Variants in CTCFL observed in about 807,000 individuals in gnomAD.
CTCFL encodes transcriptional repressor CTCFL.
CTCFL carries 36 observed loss-of-function variants against 67.4 expected under a neutral mutation model. That is an observed-to-expected ratio of 0.53 (90% CI 0.41 to 0.71). The LOEUF (loss-of-function observed/expected upper bound fraction) is 0.71, where lower values mean the gene tolerates loss of function less well. Ranked by LOEUF, CTCFL falls within the 30% of genes least tolerant of loss-of-function variation. The pLI, the probability that CTCFL is intolerant of heterozygous loss-of-function variation, is 0.00. For missense variants in CTCFL, 786 were observed against 835.2 expected, an observed-to-expected ratio of 0.94 and a Z score of 0.73; for synonymous variants, 324 against 302.3, an observed-to-expected ratio of 1.07 and a Z score of -0.75.
rs772867909 is a variant in CTCFL at position 57,503,610 on chromosome 20, G to C, written c.1675-9C>G. Reference sequence around the variant, plus strand: ...TGTCTGTGCAGGTTAATCTGTCGGAGAATTGACACAGAACACACAAGGCGA... The same window carrying C: ...TGTCTGTGCAGGTTAATCTGTCGGACAATTGACACAGAACACACAAGGCGA... On this transcript the variant is annotated splice_polypyrimidine_tract_variant and intron_variant, in intron 9 of 10. Transcript: ENST00000243914. 1 of 1,613,846 alleles carries C rather than the reference G, an allele frequency of 6.2e-7. No homozygotes were observed. Among genetic ancestry groups the C allele is most frequent in the African/African-American group, 1.3e-5 (1 of 74,886 alleles).
intron 5 of CTCFL, among the ~76,000 whole-genome samples, chr20:57,517,004 C>A (rs2068971105): frequency 2.0e-5 from 3 of 152,112 alleles, no homozygotes; most frequent in Admixed American, 2.0e-4. Context: ...ATCTGCCTCC[C>A]CAGTAAGTGA....
chr20:57,516,832 G>A (rs1600669990), intron 5 of CTCFL, among the ~76,000 whole-genome samples: 1 of 152,336 alleles, frequency 6.6e-6, no homozygotes, highest in East Asian at 1.9e-4. Context: ...AGCATTCACT[G>A]CCTGACTCGT....
At chr20:57,525,148 G>A (rs1366075877), upstream of CTCFL, 1 of 151,516 alleles carries the variant, frequency 6.6e-6, no homozygotes, top group African/African-American at 2.4e-5. Context: ...AGTGGAGGGT[G>A]GCAGTGCGCA....
downstream of CTCFL, among the ~76,000 whole-genome samples, chr20:57,496,641 C>T (rs1411155414): frequency 2.0e-5 from 3 of 152,146 alleles, no homozygotes; most frequent in African/African-American, 7.2e-5. Context: ...ATCACTTTAC[C>T]GTCTGTCTCT....
chr20:57,496,636 T>C (rs1168668804), downstream of CTCFL, among the ~76,000 whole-genome samples: 1 of 152,154 alleles, frequency 6.6e-6, no homozygotes, highest in South Asian at 2.1e-4. Flanking sequence ...CAAACATCAC[T>C]TTACCGTCTG....
chr20:57,511,594 C>A (rs1377112804), intron 8 of CTCFL, among the ~76,000 whole-genome samples: 2 of 151,252 alleles, frequency 1.3e-5, no homozygotes, highest in East Asian at 1.9e-4. Context: ...CTAATCCCCC[C>A]CCTTTTTTTT....
chr20:57,497,808 G>C lies in CTCFL; in HGVS notation c.*742C>G, dbSNP rs1232435454. On this transcript the variant is annotated 3_prime_UTR_variant, in exon 11 of 11. Transcript: ENST00000243914. Reference sequence around the variant, plus strand: ...AATAAGCAATAATGGAATGTAACCAGGGCAATTTCATACCTGCCAAGGAGC... The same window carrying C: ...AATAAGCAATAATGGAATGTAACCACGGCAATTTCATACCTGCCAAGGAGC... The C allele has an allele frequency of 1.0e-6, 1 of 985,098 alleles. No individual in the cohort carries two copies. Among genetic ancestry groups the C allele is most frequent in the Non-Finnish European group, 1.2e-6 (1 of 829,816 alleles). 61.0% of individuals were successfully genotyped at this position (985,098 alleles called of 1,614,324 possible).
At position 57,524,589 on chromosome 20, in the gene CTCFL, G is replaced by A. The variant is rs6128063; in HGVS notation, c.-11-373C>T. On this transcript the variant is annotated intron_variant, in intron 1 of 10. Transcript: ENST00000243914. ...CCGGTTCAGTCAGTGAACATCCTGG[G>A]CCTAGTAAGGTTTGGGCCCAGCAGG... The A allele has an allele frequency of 3.3e-4, 344 of 1,031,126 alleles. 5 individuals carry two copies. The East Asian group carries it at 0.02, about 59-fold the overall frequency. 63.9% of individuals were successfully genotyped at this position (1,031,126 alleles called of 1,614,324 possible).
intron 4 of CTCFL, 25 bp downstream of exon 4, chr20:57,519,182 G>A: frequency 2.5e-6 from 4 of 1,610,116 alleles, no homozygotes; most frequent in Non-Finnish European, 3.4e-6. Flanking sequence ...TCATTCCAGA[G>A]AAACAGCCTT....
chr20:57,500,091 T>TTTTTTC (rs2067842059), intron 10 of CTCFL: 1 of 962,848 alleles, frequency 1.0e-6, no homozygotes, highest in South Asian at 4.8e-5. Context: ...AAGTATTTTT[T>TTTTTTC]TTTTTTTTTT....
At chr20:57,516,166 T>G (rs1316158596) in intron 5 of CTCFL, among the ~76,000 whole-genome samples, 1 of 140,748 alleles carries the variant, frequency 7.1e-6, no homozygotes, top group Non-Finnish European at 1.6e-5. Flanking sequence ...ATATGCTCAA[T>G]AGTTACAAAA....
At position 57,498,118 on chromosome 20, in the gene CTCFL, G is replaced by C. The variant is rs1047637088; in HGVS notation, c.*432C>G. The C allele has an allele frequency of 7.0e-5, 69 of 979,272 alleles. No individual in the cohort carries two copies. Among genetic ancestry groups the C allele is most frequent in the Non-Finnish European group, 8.2e-5 (68 of 824,366 alleles). The allele number at this position is 979,272 out of a possible 1,614,324, so 60.7% of individuals were successfully genotyped here. On this transcript the variant is annotated 3_prime_UTR_variant, in exon 11 of 11. Coordinates refer to ENST00000243914, the MANE Select transcript of CTCFL (RefSeq NM_001386993.1). ...GGTGTATATAATGCAACATAAAAAT[G>C]TCCAGCTTTGACTGTGGAAGCACTA...
At chr20:57,500,490 G>C (rs2067859991) in intron 10 of CTCFL, 1 of 158,414 alleles carries the variant, frequency 6.3e-6, no homozygotes, top group Admixed American at 6.4e-5. Flanking sequence ...ATCGAGATCT[G>C]TCAATGAACT....
intron 5 of CTCFL, chr20:57,518,427 C>CAAAT (rs769651750): frequency 1.0e-4 from 107 of 1,019,350 alleles, no homozygotes; most frequent in Non-Finnish European, 1.0e-4. Flanking sequence ...TACGTTAGAG[C>CAAAT]AAATACATTT....
chr20:57,499,967 T>A, intron 10 of CTCFL: 1 of 986,902 alleles, frequency 1.0e-6, no homozygotes. Context: ...TGGGGAGCCC[T>A]GCTCTACTCA....
chr20:57,510,926 T>C (rs946812349), intron 8 of CTCFL, among the ~76,000 whole-genome samples: 2 of 152,214 alleles, frequency 1.3e-5, no homozygotes, highest in East Asian at 3.8e-4. Flanking sequence ...CACTGGAGTA[T>C]GTTAAGTGAT....
chr20:57,498,351 A>T lies in CTCFL; in HGVS notation c.*199T>A, dbSNP rs2067757982. The T allele has an allele frequency of 1.5e-6, 2 of 1,335,510 alleles. No individual in the cohort carries two copies. Among genetic ancestry groups the T allele is most frequent in the Non-Finnish European group, 1.9e-6 (2 of 1,039,468 alleles). 82.7% of individuals were successfully genotyped at this position (1,335,510 alleles called of 1,614,324 possible). On this transcript the variant is annotated 3_prime_UTR_variant, in exon 11 of 11. Transcript: ENST00000243914. ...CTAGACACTACCTCAAACTTGTGTC[A>T]TCCATTGTCATGAACTTAATTGTTT...
intron 7 of CTCFL, chr20:57,513,225 C>T (rs1196274353): frequency 1.0e-6 from 1 of 981,774 alleles, no homozygotes; most frequent in African/African-American, 1.8e-5. Context: ...GATATAATAT[C>T]TTTATTTTAC....
At position 57,508,675 on chromosome 20, in the gene CTCFL, T is replaced by C; in HGVS notation, c.1605A>G (p.Lys535=). 6.2e-7 allele frequency: 1 copy of C among 1,614,210 alleles called. No individual in the cohort carries two copies. The highest frequency in any genetic ancestry group is 1.1e-5 in the South Asian group (1 of 91,086). The change falls in exon 9 of 11, where the codon AAA becomes AAG. Residue 535 remains lysine, a synonymous_variant. Transcript: ENST00000243914. ...TCGGGATGAAATTTGCATCGTGGTA[T>C]TTCCTGAAGTGAGCGTTTAGAAGTT... ...QKQLLNAHFR[K]YHDANFIPTV... is the part of the protein sequence containing the mutation.
Sources: allele counts gnomAD v4.1 joint callset (sites outside exome capture counted in the v4.1 genomes callset), GRCh38; gene constraint gnomAD v4.1.1; transcripts MANE v1.5; gene names NCBI Gene and HGNC (gene_info 2026-07-23, HGNC 2026-07-21).